HDAC9: variants seen among roughly 807,000 people sequenced by gnomAD.
HDAC9 encodes MEF-2 interacting transcription repressor (MITR) protein.
HDAC9 carries 41 observed loss-of-function variants against 139.4 expected under a neutral mutation model. The ratio of observed to expected loss-of-function variants is 0.29; its 90% CI spans 0.23 to 0.38. The LOEUF (loss-of-function observed/expected upper bound fraction) is 0.38. Ranked by LOEUF, HDAC9 falls within the 10% of genes least tolerant of loss-of-function variation. HDAC9 has a pLI of 1.00. For missense variants in HDAC9, 1,147 were observed against 1,297.0 expected, an observed-to-expected ratio of 0.88 and a Z score of 1.78; for synonymous variants, 517 against 476.2, an observed-to-expected ratio of 1.09 and a Z score of -1.12.
chr7:18,196,485 G>A (rs972378934), intron 2 of HDAC9, among the ~76,000 whole-genome samples: 4 of 152,232 alleles, frequency 2.6e-5, no homozygotes, highest in Middle Eastern at 3.4e-3. Context: ...GTTGAGGAGC[G>A]AATTGGCATT....
chr7:18,796,534 A>G (rs1372985185), intron 17 of HDAC9, among the ~76,000 whole-genome samples: 1 of 152,220 alleles, frequency 6.6e-6, no homozygotes, highest in Non-Finnish European at 1.5e-5. Flanking sequence ...AGTGAAAATC[A>G]TGGGGACTTT....
At chr7:18,462,391 T>G (rs1347302014) in intron 1 of HDAC9, among the ~76,000 whole-genome samples, 1 of 152,046 alleles carries the variant, frequency 6.6e-6, no homozygotes, top group Admixed American at 6.6e-5. Context: ...TCAGGAACCT[T>G]TATTTATTTA....
At chr7:18,909,930 C>G (rs946600499) in intron 22 of HDAC9, among the ~76,000 whole-genome samples, 1 of 151,558 alleles carries the variant, frequency 6.6e-6, no homozygotes, top group African/African-American at 2.4e-5. Context: ...GTTTTTTGCT[C>G]AGGACTCTTT....
intron 21 of HDAC9, among the ~76,000 whole-genome samples, chr7:18,865,786 A>G (rs1289934480): frequency 6.6e-6 from 1 of 152,132 alleles, no homozygotes; most frequent in East Asian, 1.9e-4. Flanking sequence ...TATAATGTGC[A>G]TTTTTGTTTT....
chr7:18,579,090 A>G (rs1025738764), intron 2 of HDAC9, among the ~76,000 whole-genome samples: 1 of 152,222 alleles, frequency 6.6e-6, no homozygotes, highest in Non-Finnish European at 1.5e-5. Flanking sequence ...ACATCTTGGT[A>G]TTGATCAGAG....
intron 12 of HDAC9, among the ~76,000 whole-genome samples, chr7:18,690,056 A>G (rs1782562936): frequency 6.6e-6 from 1 of 151,978 alleles, no homozygotes; most frequent in Non-Finnish European, 1.5e-5. Flanking sequence ...AGAGGCGGTG[A>G]CTGTAGAATG....
At chr7:18,135,476 C>T (rs537153619) in intron 1 of HDAC9, among the ~76,000 whole-genome samples, 6 of 129,566 alleles carry the variant, frequency 4.6e-5, no homozygotes, top group African/African-American at 1.7e-4. Context: ...CAACTGTCCC[C>T]AGAGTGTGAT....
intron 16 of HDAC9, among the ~76,000 whole-genome samples, chr7:18,773,869 G>T (rs77446437): frequency 2.6e-4 from 39 of 152,022 alleles, no homozygotes; most frequent in African/African-American, 9.4e-4. Context: ...ATTCACCCCC[G>T]TAACAAACTA....
chr7:18,246,164 G>A (rs894970216), intron 2 of HDAC9, among the ~76,000 whole-genome samples: 1 of 148,596 alleles, frequency 6.7e-6, no homozygotes, highest in African/African-American at 2.5e-5. Flanking sequence ...GAAGGGTTGA[G>A]CAGGGTAAGG....
chr7:18,705,339 A>G (rs1299353298), intron 12 of HDAC9, among the ~76,000 whole-genome samples: 1 of 151,890 alleles, frequency 6.6e-6, no homozygotes, highest in Non-Finnish European at 1.5e-5. Flanking sequence ...CCTACCTCAC[A>G]CCCATTGAGA....
chr7:18,805,295 C>T (rs1036188905), intron 17 of HDAC9, among the ~76,000 whole-genome samples: 6 of 152,148 alleles, frequency 3.9e-5, no homozygotes, highest in Admixed American at 6.5e-5. Context: ...TGTAGGTTCA[C>T]TTTAGACTGT....
At chr7:18,182,721 G>A (rs369791723) in intron 2 of HDAC9, among the ~76,000 whole-genome samples, 40 of 152,148 alleles carry the variant, frequency 2.6e-4, no homozygotes, top group African/African-American at 9.7e-4. Context: ...TCTAGCTCTT[G>A]GATCCAGGTA....
chr7:18,265,412 C>T (rs577508657), intron 2 of HDAC9, among the ~76,000 whole-genome samples: 28 of 152,210 alleles, frequency 1.8e-4, no homozygotes, highest in African/African-American at 6.5e-4. Flanking sequence ...ATTTAGAACG[C>T]CAGAGTACCC....
At chr7:18,468,558 C>T (rs1794480837) in intron 1 of HDAC9, among the ~76,000 whole-genome samples, 1 of 152,062 alleles carries the variant, frequency 6.6e-6, no homozygotes, top group South Asian at 2.1e-4. Context: ...GAATCTCCTT[C>T]CTCAGTCTCC....
chr7:18,466,099 A>C (rs572392144), intron 1 of HDAC9, among the ~76,000 whole-genome samples: 1 of 152,332 alleles, frequency 6.6e-6, no homozygotes, highest in African/African-American at 2.4e-5. Context: ...GCAGCATTCA[A>C]TTCTTTGTCT....
At chr7:18,568,026 G>GTATATATATATATA (rs36203178) in intron 2 of HDAC9, among the ~76,000 whole-genome samples, 1,587 of 126,584 alleles carry the variant, frequency 0.013, 43 homozygotes, top group African/African-American at 0.033. Context: ...ATATGTATAT[G>GTATATATATATATA]TATATATATA....
chr7:18,548,574 G>A (rs1171299858), intron 2 of HDAC9, among the ~76,000 whole-genome samples: 1 of 152,148 alleles, frequency 6.6e-6, no homozygotes, highest in East Asian at 1.9e-4. Flanking sequence ...GTGTATGTGA[G>A]TCTATTGGTG....
chr7:18,993,583 C>G (rs1056263221), intron 25 of HDAC9, among the ~76,000 whole-genome samples: 2 of 152,150 alleles, frequency 1.3e-5, no homozygotes, highest in African/African-American at 4.8e-5. Context: ...AGGAGGATCT[C>G]TTGAGCCCAG....
intron 1 of HDAC9, among the ~76,000 whole-genome samples, chr7:18,302,339 AATCCAG>A (rs1231161505): frequency 6.6e-6 from 1 of 152,222 alleles, no homozygotes; most frequent in East Asian, 1.9e-4. Context: ...AATGGGAAGG[AATCCAG>A]ATGATGATAC....
Sources: allele counts gnomAD v4.1 joint callset (sites outside exome capture counted in the v4.1 genomes callset), GRCh38; gene constraint gnomAD v4.1.1; transcripts MANE v1.5; gene names NCBI Gene and HGNC (gene_info 2026-07-23, HGNC 2026-07-21).